The following SCFD1 variants were observed in gnomAD, a reference collection of about 807,000 sequenced individuals.
The protein encoded by SCFD1 is sec1 family domain-containing protein 1.
SCFD1 carries 37 observed loss-of-function variants against 103.2 expected under a neutral mutation model. The ratio of observed to expected loss-of-function variants is 0.36; its 90% CI spans 0.28 to 0.47. The LOEUF (loss-of-function observed/expected upper bound fraction) is 0.47. Among genes scored for constraint, SCFD1 ranks in the 20% least tolerant of loss-of-function variants. The pLI, the probability that SCFD1 is intolerant of heterozygous loss-of-function variation, is 1.00. For synonymous variants in SCFD1, 264 were observed against 245.0 expected (o/e 1.08, Z -0.73); for missense variants, 639 against 761.2 (o/e 0.84, Z 1.89).
chr14:30,711,627 T>G (rs4981769), intron 19 of SCFD1, among the ~76,000 whole-genome samples: 11,931 of 152,176 alleles, frequency 0.078, 765 homozygotes, highest in African/African-American at 0.17. Context: ...ACACCCAAAA[T>G]ATATACAACT....
chr14:30,672,906 A>C (rs1888688789), intron 11 of SCFD1, among the ~76,000 whole-genome samples: 1 of 152,200 alleles, frequency 6.6e-6, no homozygotes, highest in Non-Finnish European at 1.5e-5. Flanking sequence ...TTGATATTTG[A>C]TATAACATGA....
Position 30,638,070 on chromosome 14 carries a change from A to T in SCFD1, c.313-55A>T, listed in dbSNP as rs749533663. ...CTTTGCCTTATAGTAGTTGAAACAT[A>T]TGTATTCATGGTCTTCTTTATCCTA... On this transcript the variant is annotated intron_variant, in intron 4 of 24. Coordinates refer to ENST00000458591, the MANE Select transcript of SCFD1 (RefSeq NM_016106.4). 502 of 1,479,352 alleles carry T rather than the reference A, an allele frequency of 3.4e-4. 1 individual carries two copies. The highest frequency in any genetic ancestry group is 4.4e-4 in the Non-Finnish European group (487 of 1,117,800). 91.6% of individuals were successfully genotyped at this position (1,479,352 alleles called of 1,614,324 possible). A position where few individuals can be genotyped will look rare whatever the true frequency, so the allele number is the denominator to read the frequency against.
intron 14 of SCFD1, among the ~76,000 whole-genome samples, chr14:30,678,838 T>G (rs1889246507): frequency 6.6e-6 from 1 of 152,192 alleles, no homozygotes; most frequent in South Asian, 2.1e-4. Context: ...AGGCAAGGCT[T>G]AATTGTTACT....
At chr14:30,630,316 A>G (rs899476927) in intron 2 of SCFD1, among the ~76,000 whole-genome samples, 161 bp from the exon 3 acceptor site, 1 of 152,116 alleles carries the variant, frequency 6.6e-6, no homozygotes, top group Non-Finnish European at 1.5e-5. Context: ...TAGGTTCACT[A>G]TTGGTTGTTC....
At position 30,725,148 on chromosome 14, in the gene SCFD1, G is replaced by A. The variant is rs144275619; in HGVS notation, c.1836+2589G>A. On this transcript the variant is annotated intron_variant, in intron 23 of 24. Coordinates refer to ENST00000458591, the MANE Select transcript of SCFD1 (RefSeq NM_016106.4). ...CTCCAGCTTTGTTCTTTTTCCTTAC[G>A]ATTGCCCTGGCTATTTTGGCTCTTT... is the stretch of plus-strand genomic sequence containing the variant. Among the ~76,000 whole-genome samples, 98 of 152,148 alleles carry A rather than the reference G, an allele frequency of 6.4e-4. 1 individual carries two copies. The highest frequency in any genetic ancestry group is 2.0e-3 in the African/African-American group (84 of 41,516).
chr14:30,735,281 T>TTTTC (rs1310762477), intron 24 of SCFD1, among the ~76,000 whole-genome samples: 1 of 152,130 alleles, frequency 6.6e-6, no homozygotes, highest in Non-Finnish European at 1.5e-5. Context: ...TGCAATTCCA[T>TTTTC]TTTCTTTTCT....
intron 1 of SCFD1, among the ~76,000 whole-genome samples, chr14:30,624,302 A>G (rs988362174): frequency 3.8e-4 from 58 of 152,108 alleles, no homozygotes; most frequent in Non-Finnish European, 8.2e-4. Flanking sequence ...CAGCTTCTCA[A>G]CATTGCAGGG....
intron 10 of SCFD1, chr14:30,669,981 G>T (rs1594660348): frequency 1.5e-5 from 4 of 273,596 alleles, no homozygotes; most frequent in Middle Eastern, 1.2e-3. Context: ...AAGAGGATGT[G>T]TATGTGCTAT....
At chr14:30,667,180 A>G (rs984692868) in intron 10 of SCFD1, among the ~76,000 whole-genome samples, 18 of 152,348 alleles carry the variant, frequency 1.2e-4, no homozygotes, top group Admixed American at 6.5e-4. Context: ...AAGCAAATCC[A>G]ACAGTACATC....
chr14:30,656,416 G>A (rs1196857320), intron 10 of SCFD1, among the ~76,000 whole-genome samples: 1 of 152,132 alleles, frequency 6.6e-6, no homozygotes, highest in East Asian at 1.9e-4. Flanking sequence ...CATTATTGAC[G>A]TTTTGGACCT....
intron 2 of SCFD1, among the ~76,000 whole-genome samples, chr14:30,628,744 A>C (rs1883787630): frequency 6.6e-6 from 1 of 152,238 alleles, no homozygotes. Flanking sequence ...TTTGAGAAAT[A>C]CTGGAGAGCC....
rs567158208 is a variant in SCFD1, at chr14:30,729,869, A to T, written c.1837-4921A>T. 6.2e-3 allele frequency among the ~76,000 whole-genome samples: 906 copies of T among 146,910 alleles called. 10 individuals carry two copies. The highest frequency in any genetic ancestry group is 0.019 in the African/African-American group (775 of 40,494). On this transcript the variant is annotated intron_variant, in intron 23 of 24. Coordinates refer to ENST00000458591, the MANE Select transcript of SCFD1 (RefSeq NM_016106.4). ...ATATTTTTATGCTGTTACGAAAGGC[A>T]TTTTTTTTTTTTAAGTTCTAGGGTG...
chr14:30,644,185 T>G (rs1391436376), intron 7 of SCFD1, among the ~76,000 whole-genome samples: 1 of 152,244 alleles, frequency 6.6e-6, no homozygotes, highest in Non-Finnish European at 1.5e-5. Flanking sequence ...TTTCACTCTT[T>G]TTTTATGGCT....
intron 8 of SCFD1, among the ~76,000 whole-genome samples, chr14:30,649,860 C>A (rs1055357170): frequency 2.0e-5 from 3 of 152,208 alleles, no homozygotes; most frequent in Admixed American, 1.3e-4. Flanking sequence ...AACCTTGTCT[C>A]TCCAAGCAGT....
At chr14:30,703,940 TATA>T (rs1891269182) in intron 17 of SCFD1, among the ~76,000 whole-genome samples, 2 of 68,388 alleles carry the variant, frequency 2.9e-5, no homozygotes, top group Non-Finnish European at 5.3e-5. Context: ...TATATATATA[TATA>T]TATATATATA....
chr14:30,722,684 C>T (rs1441449333), intron 23 of SCFD1, 125 bp downstream of exon 23: 2 of 482,554 alleles, frequency 4.1e-6, no homozygotes, highest in Admixed American at 4.0e-5. Context: ...TAAAATCATG[C>T]ATATATGATT....
chr14:30,630,471 T>A lies in SCFD1; in HGVS notation c.133-6T>A, dbSNP rs1178630713. 8 of 1,535,374 alleles carry A rather than the reference T, an allele frequency of 5.2e-6. No homozygotes were observed. The East Asian group carries it at 9.0e-5, about 17-fold the overall frequency. On this transcript the variant is annotated splice_region_variant and splice_polypyrimidine_tract_variant and intron_variant, in intron 2 of 24. Transcript: ENST00000458591. ...GATAATGATGACACATGGTTTTTTT[T>A]AATAGGTACTCATTTATGACAGATT...
At chr14:30,623,013 G>A (rs1355342367) in intron 1 of SCFD1, among the ~76,000 whole-genome samples, 1 of 152,172 alleles carries the variant, frequency 6.6e-6, no homozygotes, top group African/African-American at 2.4e-5. Context: ...AATAGAGCAT[G>A]TTTATATAGC....
rs575907749 is a variant in SCFD1, at chr14:30,700,224, T to C, written c.1376T>C (p.Ile459Thr). Reference protein sequence around the residue: ...TPEDKMRLFLIYYISTQQAPS... With the variant: ...TPEDKMRLFLTYYISTQQAPS... The stretch of plus-strand genomic sequence containing the variant: ...GAAGATAAAATGAGGTTGTTTCTTA[T>C]CTATTATATAAGCACACAGCAAGCA... Residue 459 changes from isoleucine to threonine, a missense_variant, in exon 16 of 25, where the codon ATC becomes ACC. Transcript: ENST00000458591. 7 of 1,611,740 alleles carry C rather than the reference T, an allele frequency of 4.3e-6. No homozygotes were observed. The East Asian group carries it at 1.1e-4, about 26-fold the overall frequency.
Sources: gnomAD v4.1 joint callset for allele counts (sites outside exome capture counted in the v4.1 genomes callset) on GRCh38, gnomAD v4.1.1 for gene constraint, MANE v1.5 for transcripts, NCBI Gene and HGNC (gene_info 2026-07-23, HGNC 2026-07-21) for gene names.